UGT1A3: variants seen among roughly 807,000 people sequenced by gnomAD.
UGT1A3 encodes the protein UDP glucuronosyltransferase family 1 member A3.
UGT1A3 carries 31 observed loss-of-function variants against 41.0 expected under a neutral mutation model. That is an observed-to-expected ratio of 0.76 (90% CI 0.57 to 1.02). The LOEUF (loss-of-function observed/expected upper bound fraction) is 1.02. Among genes scored for constraint, UGT1A3 ranks in the 50% least tolerant of loss-of-function variants. The pLI is 0.00. For synonymous variants in UGT1A3, 262 were observed against 257.6 expected, an observed-to-expected ratio of 1.02 and a Z score of -0.17; for missense variants, 737 against 671.0, an observed-to-expected ratio of 1.10 and a Z score of -1.09.
intron 1 of UGT1A3, chr2:233,747,618 G>A (rs1433302665): frequency 1.3e-5 from 21 of 1,574,996 alleles, no homozygotes; most frequent in Middle Eastern, 1.7e-4. Flanking sequence ...GCATAATGAG[G>A]CCCTGATCAG....
intron 1 of UGT1A3, among the ~76,000 whole-genome samples, chr2:233,735,842 C>G (rs2078702180): frequency 6.6e-6 from 1 of 152,078 alleles, no homozygotes; most frequent in Non-Finnish European, 1.5e-5. Flanking sequence ...TTGGCCCCCA[C>G]TCTCTTCTGT....
chr2:233,755,067 T>G, intron 1 of UGT1A3: 1 of 1,335,754 alleles, frequency 7.5e-7, no homozygotes, highest in Non-Finnish European at 1.0e-6. Context: ...CGCCTCGCCA[T>G]AGCGGTCATA....
At chr2:233,754,864 C>T (rs1448859484) in intron 1 of UGT1A3, 1 of 1,352,042 alleles carries the variant, frequency 7.4e-7, no homozygotes, top group South Asian at 1.1e-5. Context: ...GGTGCAGACC[C>T]TCTGCTTCTG....
intron 1 of UGT1A3, chr2:233,755,466 T>C: frequency 4.1e-6 from 1 of 241,540 alleles, no homozygotes; most frequent in Non-Finnish European, 8.3e-6. Context: ...CCCTGCTCTC[T>C]GTGAGGCTCT....
Position 233,766,962 on chromosome 2 carries a change from T to G in UGT1A3, c.868-72T>G, listed in dbSNP as rs1699292414. 20 of 1,607,676 alleles carry G rather than the reference T, an allele frequency of 1.2e-5. No homozygotes were observed. In the East Asian group the frequency reaches 4.5e-4, roughly 36 times the overall value. ...TAGTCTTAAGAGGAAGATATCTAAT[T>G]CATAACTTACTGTATGTAGTCATCA... On this transcript the variant is annotated intron_variant, in intron 1 of 4. Coordinates refer to ENST00000482026, the MANE Select transcript of UGT1A3 (RefSeq NM_019093.4).
In UGT1A3 at chr2:233,769,569, G is replaced by A; in HGVS notation, c.1307+1130G>A. ...TCAGGAAGACAGATGTGAAGAGCTG[G>A]AGCATGTTCAGATGAGAGGAGACGG... On this transcript the variant is annotated intron_variant, in intron 4 of 4. Transcript: ENST00000482026. The surrounding 1 kb of genome is among the most constrained non-coding windows in gnomAD (Gnocchi z 4.4). The A allele has an allele frequency of 1.2e-6, 2 of 1,612,870 alleles. No individual in the cohort carries two copies. The highest frequency in any genetic ancestry group is 2.2e-5 in the South Asian group (2 of 91,064).
chr2:233,761,060 G>A, intron 1 of UGT1A3: 1 of 1,614,212 alleles, frequency 6.2e-7, no homozygotes, highest in Non-Finnish European at 8.5e-7. Flanking sequence ...CTGTTTAGAA[G>A]TGACTTTGTG....
chr2:233,747,584 T>G (rs1693721296), intron 1 of UGT1A3: 1 of 1,580,584 alleles, frequency 6.3e-7, no homozygotes, highest in African/African-American at 1.4e-5. Context: ...CTTTGGTCTT[T>G]CATAGGTCTT....
intron 1 of UGT1A3, among the ~76,000 whole-genome samples, chr2:233,735,726 A>G (rs1434369558): frequency 5.9e-5 from 9 of 152,086 alleles, no homozygotes; most frequent in Admixed American, 5.9e-4. Flanking sequence ...ATCTCTCAGC[A>G]TTTGCTTGTC....
chr2:233,746,292 T>G (rs1467631519), intron 1 of UGT1A3, among the ~76,000 whole-genome samples: 3 of 151,662 alleles, frequency 2.0e-5, no homozygotes, highest in Non-Finnish European at 4.4e-5. Flanking sequence ...GAAGGTGGCT[T>G]TGTTTCCCTT....
chr2:233,739,344 AG>A lies in UGT1A3; in HGVS notation c.867+9352del, dbSNP rs1575629032. On this transcript the variant is annotated intron_variant, in intron 1 of 4. Transcript: ENST00000482026. ...AGAAGGCCACAGTCCTTCAGAACCC[AG>A]AAGGGCAGATCCAATAGCTTGCACT... Among the ~76,000 whole-genome samples the A allele has an allele frequency of 3.9e-5, 6 of 152,328 alleles. No individual in the cohort carries two copies. In the East Asian group the frequency reaches 5.8e-4, roughly 15 times the overall value.
rs1354115874 is a variant in UGT1A3 at position 233,743,513 on chromosome 2, T to A, written c.867+13520T>A. 4 of 1,367,280 alleles carry A rather than the reference T, an allele frequency of 2.9e-6. No homozygotes were observed. In the South Asian group the frequency reaches 3.4e-5, roughly 12 times the overall value. The allele number at this position is 1,367,280 out of a possible 1,614,324, so 84.7% of individuals were successfully genotyped here. ...GCAGAGAAAAGGGGTGCAGACGCTC[T>A]GCTTCTGCTTCCCCAGCAGTTCCTC... On this transcript the variant is annotated intron_variant, in intron 1 of 4. Transcript: ENST00000482026.
intron 1 of UGT1A3, among the ~76,000 whole-genome samples, chr2:233,731,408 T>C (rs2078155079): frequency 6.6e-6 from 1 of 152,094 alleles, no homozygotes; most frequent in Non-Finnish European, 1.5e-5. Flanking sequence ...TTACATTAGG[T>C]ATTTTTCCTA....
chr2:233,738,357 G>C (rs1375014777), intron 1 of UGT1A3, among the ~76,000 whole-genome samples: 1 of 152,206 alleles, frequency 6.6e-6, no homozygotes, highest in Non-Finnish European at 1.5e-5. Flanking sequence ...GGAGAGTGGG[G>C]TACTGCTATA....
At chr2:233,731,988 G>T (rs2078227484) in intron 1 of UGT1A3, among the ~76,000 whole-genome samples, 1 of 152,200 alleles carries the variant, frequency 6.6e-6, no homozygotes, top group South Asian at 2.1e-4. Flanking sequence ...TAACTGGCGT[G>T]AGATGGTATC....
chr2:233,744,535 T>A (rs2125863859), intron 1 of UGT1A3, among the ~76,000 whole-genome samples: 1 of 152,076 alleles, frequency 6.6e-6, no homozygotes, highest in East Asian at 1.9e-4. Flanking sequence ...TATTTTTATG[T>A]AAATTTTATT....
rs780016114 is a variant in UGT1A3, at chr2:233,760,397, G to T, written c.868-6637G>T. 2.0e-5 allele frequency: 33 copies of T among 1,614,006 alleles called. No homozygotes were observed. The highest frequency in any genetic ancestry group is 2.7e-5 in the Non-Finnish European group (32 of 1,180,022). The stretch of plus-strand genomic sequence containing the variant: ...AAGATACTGTTGATCCCAGTGGATG[G>T]CAGCCACTGGCTGAGCATGCTTGGG... On this transcript the variant is annotated intron_variant, in intron 1 of 4. Coordinates refer to ENST00000482026, the MANE Select transcript of UGT1A3 (RefSeq NM_019093.4).
chr2:233,729,785 T>C lies in UGT1A3; in HGVS notation c.659T>C (p.Leu220Pro), dbSNP rs767360644. 6.2e-7 allele frequency: 1 copy of C among 1,614,014 alleles called. No individual in the cohort carries two copies. Among genetic ancestry groups the C allele is most frequent in the Non-Finnish European group, 8.5e-7 (1 of 1,179,860 alleles). ...RVKNMLYPLA[L>P]SYICHAFSAP... ...AAGAACATGCTCTACCCTCTGGCCC[T>C]GTCCTACATTTGCCATGCTTTTTCT... The change falls in exon 1 of 5, where the codon CTG becomes CCG. Residue 220 changes from leucine to proline, a missense_variant. Physicochemically the swap from Leu to Pro is moderately conservative, Grantham distance 98 (BLOSUM62 -3). Transcript: ENST00000482026.
At chr2:233,755,026 G>C (rs776900288) in intron 1 of UGT1A3, 1 of 1,306,868 alleles carries the variant, frequency 7.7e-7, no homozygotes, top group Admixed American at 1.9e-5. Context: ...TCCTTGAAGG[G>C]CCTGCCGCCT....
Sources: allele counts gnomAD v4.1 joint callset (sites outside exome capture counted in the v4.1 genomes callset), GRCh38; gene constraint gnomAD v4.1.1; non-coding constraint Gnocchi (gnomAD v3.1); transcripts MANE v1.5; gene names NCBI Gene and HGNC (gene_info 2026-07-23, HGNC 2026-07-21).